The following GRM5 variants were observed in gnomAD, a reference collection of about 807,000 sequenced individuals.
GRM5 encodes the protein metabotropic glutamate receptor 5.
In GRM5, 19 loss-of-function variants were observed where a neutral mutation model predicts 83.1. The ratio of observed to expected loss-of-function variants is 0.23; its 90% CI spans 0.16 to 0.34. The LOEUF is 0.34. Ranked by LOEUF, GRM5 falls within the 10% of genes least tolerant of loss-of-function variation. GRM5 has a pLI of 1.00. For missense variants in GRM5, 1,160 were observed against 1,588.3 expected (o/e 0.73, Z 4.58); for synonymous variants, 675 against 633.6 (o/e 1.07, Z -0.98).
intron 4 of GRM5, among the ~76,000 whole-genome samples, chr11:88,645,221 A>T (rs1939408631): frequency 6.6e-6 from 1 of 152,120 alleles, no homozygotes; most frequent in African/African-American, 2.4e-5. Context: ...GGGAACAAAA[A>T]ATGGGGAAGT....
In GRM5 at chr11:88,541,888, C is replaced by T. The variant is rs886064382; in HGVS notation, c.2631-16484G>A. Among the ~76,000 whole-genome samples the T allele has an allele frequency of 4.7e-4, 71 of 152,224 alleles. 1 individual carries two copies. Among genetic ancestry groups the T allele is most frequent in the African/African-American group, 1.7e-3 (71 of 41,548 alleles). ...TGTGGAGGAAGGGAGGTGATTGGAT[C>T]GTGAGGGGGAGTTTCCCCCATGCTC... On this transcript the variant is annotated intron_variant, in intron 8 of 9. Coordinates refer to ENST00000305447, the MANE Select transcript of GRM5 (RefSeq NM_001143831.3).
At chr11:88,755,757 T>C (rs538124697) in intron 3 of GRM5, among the ~76,000 whole-genome samples, 2 of 152,254 alleles carry the variant, frequency 1.3e-5, no homozygotes, top group South Asian at 4.1e-4. Context: ...AATTAAATAA[T>C]TTTGAATTTA....
chr11:88,941,503 AGAGGAG>A (rs1407632572), intron 2 of GRM5, among the ~76,000 whole-genome samples: 1 of 59,634 alleles, frequency 1.7e-5, no homozygotes, highest in African/African-American at 4.9e-5. Context: ...AGAGGAGGGG[AGAGGAG>A]GGGAGAGGAG....
intron 3 of GRM5, among the ~76,000 whole-genome samples, chr11:88,772,502 A>G (rs1487884479): frequency 1.3e-5 from 2 of 151,444 alleles, no homozygotes; most frequent in Admixed American, 6.6e-5. Context: ...CACAATGTGC[A>G]GGTTTGACAC....
At chr11:88,992,485 A>G (rs1940014643) in intron 2 of GRM5, among the ~76,000 whole-genome samples, 1 of 152,188 alleles carries the variant, frequency 6.6e-6, no homozygotes, top group Admixed American at 6.5e-5. Context: ...TAGAACTAGA[A>G]ATTCCATTTG....
At chr11:88,938,797 C>A (rs1407939513) in intron 2 of GRM5, among the ~76,000 whole-genome samples, 3 of 151,618 alleles carry the variant, frequency 2.0e-5, no homozygotes, top group African/African-American at 4.8e-5. Flanking sequence ...GTTTTTACAT[C>A]TATATATCAG....
intron 3 of GRM5, among the ~76,000 whole-genome samples, chr11:88,720,600 A>G (rs1439658046): frequency 6.6e-6 from 1 of 152,114 alleles, no homozygotes; most frequent in Non-Finnish European, 1.5e-5. Flanking sequence ...GCAGAAAAAA[A>G]CAGCTACTGG....
At chr11:88,986,055 A>G (rs938069585) in intron 2 of GRM5, among the ~76,000 whole-genome samples, 1 of 152,196 alleles carries the variant, frequency 6.6e-6, no homozygotes, top group African/African-American at 2.4e-5. Flanking sequence ...TTATATTTAC[A>G]TATAAATGTG....
chr11:88,783,275 G>T (rs2701359), intron 3 of GRM5, among the ~76,000 whole-genome samples: 3 of 152,130 alleles, frequency 2.0e-5, no homozygotes, highest in Admixed American at 1.3e-4. Flanking sequence ...ATTATAGTCA[G>T]ACCTGAATCT....
intron 1 of GRM5, among the ~76,000 whole-genome samples, chr11:89,050,014 A>AT (rs1225363373): frequency 5.9e-5 from 9 of 152,218 alleles, no homozygotes; most frequent in Admixed American, 5.9e-4. Flanking sequence ...AACACGACTC[A>AT]TTTTTTATGT....
chr11:88,931,440 TA>T (rs5793361), intron 2 of GRM5, among the ~76,000 whole-genome samples: 11 of 146,564 alleles, frequency 7.5e-5, no homozygotes, highest in Middle Eastern at 3.6e-3. Flanking sequence ...AGAACCAAAG[TA>T]AAAAAAAAAA....
chr11:88,523,955 A>G (rs1941778782), intron 9 of GRM5: 1 of 152,194 alleles, frequency 6.6e-6, no homozygotes, highest in Non-Finnish European at 1.5e-5. Flanking sequence ...ATGGACATGC[A>G]TATGCACATA....
chr11:88,879,820 A>G (rs980502144), intron 2 of GRM5, among the ~76,000 whole-genome samples: 3 of 152,082 alleles, frequency 2.0e-5, no homozygotes, highest in Non-Finnish European at 4.4e-5. Context: ...CAGATTGCCT[A>G]TAGAGCTGAA....
chr11:88,933,201 T>TG (rs1937771290), intron 2 of GRM5, among the ~76,000 whole-genome samples: 1 of 147,476 alleles, frequency 6.8e-6, no homozygotes, highest in Non-Finnish European at 1.5e-5. Context: ...TTTTTTTTTT[T>TG]TTTTTTGCTA....
intron 8 of GRM5, among the ~76,000 whole-genome samples, chr11:88,546,964 A>C (rs1942397451): frequency 6.6e-6 from 1 of 152,128 alleles, no homozygotes; most frequent in Non-Finnish European, 1.5e-5. Flanking sequence ...AGTTGGTCAG[A>C]TGTATTGGTT....
intron 8 of GRM5, among the ~76,000 whole-genome samples, chr11:88,562,558 T>G (rs1432014694): frequency 1.3e-5 from 2 of 152,120 alleles, no homozygotes; most frequent in Non-Finnish European, 2.9e-5. Flanking sequence ...AGGTAATAAA[T>G]GAACCATTTT....
intron 2 of GRM5, among the ~76,000 whole-genome samples, chr11:89,039,283 A>G (rs1475576242): frequency 6.8e-6 from 1 of 147,870 alleles, no homozygotes; most frequent in East Asian, 2.0e-4. Context: ...AAAAAAATAT[A>G]TATATATATA....
intron 3 of GRM5, among the ~76,000 whole-genome samples, chr11:88,698,960 T>C (rs541169560): frequency 3.3e-5 from 5 of 152,336 alleles, no homozygotes; most frequent in Admixed American, 2.0e-4. Context: ...ATCTGCTCTC[T>C]AGCTATATGG....
intron 3 of GRM5, among the ~76,000 whole-genome samples, chr11:88,790,164 C>T (rs1337841061): frequency 2.0e-5 from 3 of 152,118 alleles, no homozygotes; most frequent in South Asian, 2.1e-4. Flanking sequence ...GCACCTGGCT[C>T]GTACAAGCAA....
Sources: allele counts gnomAD v4.1 joint callset (sites outside exome capture counted in the v4.1 genomes callset), GRCh38; gene constraint gnomAD v4.1.1; transcripts MANE v1.5; gene names NCBI Gene and HGNC (gene_info 2026-07-23, HGNC 2026-07-21).